Variants in HDAC9 observed in about 807,000 individuals in gnomAD.
HDAC9 encodes the protein MEF-2 interacting transcription repressor (MITR) protein.
Under a neutral mutation model 139.4 loss-of-function variants are expected in HDAC9, and 41 were observed. The observed-to-expected ratio is 0.29, with a 90% CI of 0.23 to 0.38. HDAC9 has a LOEUF of 0.38. Ranked by LOEUF, HDAC9 falls within the 10% of genes least tolerant of loss-of-function variation. The pLI is 1.00. For missense variants in HDAC9, 1,147 were observed against 1,297.0 expected (o/e 0.88, Z 1.78); for synonymous variants, 517 against 476.2 (o/e 1.09, Z -1.12).
rs368001933 is a variant in HDAC9 at position 18,952,027 on chromosome 7, C to T, written c.2938-2119C>T. 1.1e-4 allele frequency among the ~76,000 whole-genome samples: 16 copies of T among 152,020 alleles called. No homozygotes were observed. The East Asian group carries it at 1.2e-3, about 11-fold the overall frequency. On this transcript the variant is annotated intron_variant, in intron 23 of 25. Transcript: ENST00000686413. ...ATAAAGAACCTACATTGAGAAATTT[C>T]TGAATTCAGCTCTGTCTGTATGTAT...
intron 13 of HDAC9, among the ~76,000 whole-genome samples, chr7:18,736,124 G>C (rs1345675233): frequency 1.3e-5 from 2 of 152,182 alleles, no homozygotes; most frequent in Admixed American, 1.3e-4. Flanking sequence ...TCAGCTTAAG[G>C]AGATTTTGGG....
chr7:18,544,087 C>T (rs1458401164), intron 2 of HDAC9, among the ~76,000 whole-genome samples: 2 of 152,226 alleles, frequency 1.3e-5, no homozygotes, highest in East Asian at 3.9e-4. Context: ...TCTGGCTGCT[C>T]TGTAAGAAGG....
intron 17 of HDAC9, chr7:18,807,873 G>GCA (rs2129187805): frequency 6.6e-6 from 1 of 152,234 alleles, no homozygotes; most frequent in South Asian, 2.1e-4. Context: ...TGTTCTGTGT[G>GCA]CACTTGAGGA....
At chr7:18,152,901 C>G (rs1382030993) in intron 1 of HDAC9, among the ~76,000 whole-genome samples, 1 of 152,120 alleles carries the variant, frequency 6.6e-6, no homozygotes, top group Non-Finnish European at 1.5e-5. Context: ...TTGGTGTATT[C>G]TGGAAATTTA....
chr7:18,210,932 T>G (rs927131915), intron 2 of HDAC9, among the ~76,000 whole-genome samples: 13 of 152,132 alleles, frequency 8.5e-5, no homozygotes, highest in African/African-American at 3.1e-4. Flanking sequence ...AGTGTAGAAA[T>G]GATGTCAAGG....
chr7:18,532,165 G>A (rs1408677050), intron 2 of HDAC9, among the ~76,000 whole-genome samples: 3 of 152,094 alleles, frequency 2.0e-5, no homozygotes, highest in African/African-American at 7.2e-5. Flanking sequence ...CAGGAGAATT[G>A]CTTGAACCTG....
intron 1 of HDAC9, among the ~76,000 whole-genome samples, chr7:18,088,366 G>GT (rs1346103470): frequency 6.6e-6 from 1 of 152,142 alleles, no homozygotes; most frequent in East Asian, 1.9e-4. Flanking sequence ...CTCATAAGGA[G>GT]TAAGATTTAG....
intron 1 of HDAC9, among the ~76,000 whole-genome samples, chr7:18,335,090 T>C (rs1444252824): frequency 6.6e-6 from 1 of 151,336 alleles, no homozygotes; most frequent in African/African-American, 2.4e-5. Flanking sequence ...GAGTGAGGGA[T>C]TGAAAAGGGA....
chr7:18,894,652 G>C (rs769809205), intron 22 of HDAC9, among the ~76,000 whole-genome samples: 1 of 152,076 alleles, frequency 6.6e-6, no homozygotes, highest in Non-Finnish European at 1.5e-5. Context: ...GAGATCAATG[G>C]AGCAGTAGGT....
intron 2 of HDAC9, among the ~76,000 whole-genome samples, chr7:18,216,776 T>C (rs2128172468): frequency 6.6e-6 from 1 of 152,294 alleles, no homozygotes; most frequent in African/African-American, 2.4e-5. Context: ...TTTGTGATAC[T>C]GAATGATAGT....
chr7:18,801,433 A>C (rs897077599), intron 17 of HDAC9, among the ~76,000 whole-genome samples: 1 of 152,036 alleles, frequency 6.6e-6, no homozygotes, highest in Admixed American at 6.6e-5. Flanking sequence ...TATTCTTGAG[A>C]TACATCTACC....
chr7:18,923,105 C>T (rs1466961320), intron 22 of HDAC9, among the ~76,000 whole-genome samples: 1 of 152,010 alleles, frequency 6.6e-6, no homozygotes, highest in African/African-American at 2.4e-5. Flanking sequence ...ATTTTGAACA[C>T]CCAGTTGCTA....
chr7:18,972,669 C>T (rs955256374), intron 24 of HDAC9, among the ~76,000 whole-genome samples: 5 of 152,142 alleles, frequency 3.3e-5, no homozygotes, highest in South Asian at 4.2e-4. Context: ...GCATGAGCCA[C>T]CACACCCAGC....
chr7:18,890,857 G>T (rs986274629), intron 22 of HDAC9, among the ~76,000 whole-genome samples: 1 of 152,186 alleles, frequency 6.6e-6, no homozygotes, highest in Non-Finnish European at 1.5e-5. Flanking sequence ...GAAAGGATAG[G>T]TGGAGCTAGT....
chr7:18,133,039 C>T (rs1346624612), intron 1 of HDAC9, among the ~76,000 whole-genome samples: 2 of 152,104 alleles, frequency 1.3e-5, no homozygotes, highest in African/African-American at 4.8e-5. Context: ...AACTGCTCAC[C>T]ATGGAAACAG....
At chr7:18,922,940 T>A (rs999573729) in intron 22 of HDAC9, among the ~76,000 whole-genome samples, 3 of 152,038 alleles carry the variant, frequency 2.0e-5, no homozygotes, top group South Asian at 2.1e-4. Context: ...CGCCTGGGTG[T>A]CTCCTAAGAG....
chr7:18,780,214 G>A (rs1791129690), intron 16 of HDAC9, among the ~76,000 whole-genome samples: 1 of 152,058 alleles, frequency 6.6e-6, no homozygotes, highest in Non-Finnish European at 1.5e-5. Flanking sequence ...CTTCACCTAT[G>A]AAGTAAGGTG....
chr7:18,824,276 G>C (rs2520362), intron 17 of HDAC9, among the ~76,000 whole-genome samples: 1 of 151,970 alleles, frequency 6.6e-6, no homozygotes, highest in Admixed American at 6.5e-5. Context: ...CTGTGAGAGA[G>C]GCATGTCTGT....
chr7:18,575,834 TATTCATTC>T (rs143901359), intron 2 of HDAC9, among the ~76,000 whole-genome samples: 5 of 152,156 alleles, frequency 3.3e-5, no homozygotes, highest in Non-Finnish European at 7.4e-5. Context: ...TTGTGACTAT[TATTCATTC>T]ATTCATTCAT....
Sources: allele counts gnomAD v4.1 joint callset (sites outside exome capture counted in the v4.1 genomes callset), GRCh38; gene constraint gnomAD v4.1.1; transcripts MANE v1.5; gene names NCBI Gene and HGNC (gene_info 2026-07-23, HGNC 2026-07-21).